PREP: variants seen among roughly 807,000 people sequenced by gnomAD.
The protein encoded by PREP is dJ355L5.1 (prolyl endopeptidase).
In PREP, 29 loss-of-function variants were observed where a neutral mutation model predicts 87.6. The observed-to-expected ratio is 0.33, with a 90% CI of 0.25 to 0.45. PREP has a LOEUF of 0.45. Among genes scored for constraint, PREP ranks in the 20% least tolerant of loss-of-function variants. The pLI, the probability that PREP is intolerant of heterozygous loss-of-function variation, is 1.00. For missense variants in PREP, 695 were observed against 886.5 expected, an observed-to-expected ratio of 0.78 and a Z score of 2.74; for synonymous variants, 337 against 328.6, an observed-to-expected ratio of 1.03 and a Z score of -0.28.
At chr6:105,352,044 G>A (rs766122421) in intron 7 of PREP, among the ~76,000 whole-genome samples, 16 of 152,168 alleles carry the variant, frequency 1.1e-4, no homozygotes, top group South Asian at 2.1e-4. Flanking sequence ...AAATATTTTC[G>A]TATCACAATG....
intron 4 of PREP, among the ~76,000 whole-genome samples, chr6:105,375,844 T>A (rs1186335162): frequency 1.3e-5 from 2 of 152,230 alleles, no homozygotes; most frequent in Non-Finnish European, 2.9e-5. Context: ...GAAATGATGA[T>A]GATATGTCAA....
At chr6:105,316,884 T>C (rs1244645562) in intron 10 of PREP, among the ~76,000 whole-genome samples, 3 of 152,088 alleles carry the variant, frequency 2.0e-5, no homozygotes, top group Non-Finnish European at 4.4e-5. Flanking sequence ...AATCACAAGA[T>C]ACTTACATGG....
chr6:105,295,583 T>C (rs1333741436), intron 10 of PREP, among the ~76,000 whole-genome samples: 3 of 151,250 alleles, frequency 2.0e-5, no homozygotes, highest in East Asian at 2.0e-4. Flanking sequence ...TCAAAGGTCA[T>C]CAATGAACGT....
chr6:105,283,019 C>T (rs7760940), intron 12 of PREP, among the ~76,000 whole-genome samples: 2,743 of 152,294 alleles, frequency 0.018, 48 homozygotes, highest in African/African-American at 0.046. Flanking sequence ...TGGGAGTGCT[C>T]GTGTCTCCCC....
Position 105,353,071 on chromosome 6 carries a change from C to A in PREP, c.724G>T (p.Asp242Tyr), listed in dbSNP as rs1772000423. 4.3e-6 allele frequency: 7 copies of A among 1,611,134 alleles called. No individual in the cohort carries two copies. Among genetic ancestry groups the A allele is most frequent in the Non-Finnish European group, 5.9e-6 (7 of 1,178,196 alleles). ...PKWMGGAELS[D>Y]DGRYVLLSIR... is the part of the protein sequence containing the mutation. ...GATAACAAGACATAGCGGCCATCAT[C>A]AGATAACTAAAAAAGAAAAAAAAAT... The change falls in exon 7 of 15, where the codon GAT becomes TAT. Residue 242 changes from aspartate (D) to tyrosine (Y), a missense_variant. Physicochemically the swap from Asp to Tyr is radical, Grantham distance 160 (BLOSUM62 -3). Transcript: ENST00000652536.
At chr6:105,288,715 G>A in intron 11 of PREP, 43 bp downstream of exon 11, 1 of 1,607,720 alleles carries the variant, frequency 6.2e-7, no homozygotes, top group Non-Finnish European at 8.5e-7. Context: ...CCACTATATG[G>A]AAAAGATAAA....
intron 6 of PREP, among the ~76,000 whole-genome samples, chr6:105,361,329 A>AT (rs561382455): frequency 7.2e-4 from 109 of 152,258 alleles, no homozygotes; most frequent in Admixed American, 2.5e-3. Context: ...CATCAAACAT[A>AT]TTTTCAAAGA....
chr6:105,395,446 G>A (rs1773265429), intron 2 of PREP, among the ~76,000 whole-genome samples: 1 of 152,138 alleles, frequency 6.6e-6, no homozygotes, highest in African/African-American at 2.4e-5. Context: ...TTCTTCATCT[G>A]TAAAATGGGG....
At chr6:105,296,308 G>A (rs2114622225) in intron 10 of PREP, among the ~76,000 whole-genome samples, 1 of 151,590 alleles carries the variant, frequency 6.6e-6, no homozygotes, top group East Asian at 1.9e-4. Context: ...TCTGATTACA[G>A]AAATTTATCT....
chr6:105,373,284 A>G, intron 5 of PREP, 85 bp downstream of exon 5: 1 of 1,416,072 alleles, frequency 7.1e-7, no homozygotes, highest in East Asian at 2.3e-5. Flanking sequence ...CACAACCTCT[A>G]TGTAGGGTTC....
In PREP at chr6:105,278,183, C is replaced by T. The variant is rs144462878; in HGVS notation, c.2094G>A (p.Ala698=). ...KVIEEVSDMF[A]FIARCLNVDW... is the part of the protein sequence containing the mutation. ...CGACGTTCAGGCACCGCGCGATGAA[C>T]GCAAACATGTCTGAGACTTCCTCTA... The change falls in exon 15 of 15, where the codon GCG becomes GCA. Residue 698 remains alanine (A), a synonymous_variant. Coordinates refer to ENST00000652536, the MANE Select transcript of PREP (RefSeq NM_002726.5). The surrounding 1 kb of genome is among the most constrained non-coding windows in gnomAD (Gnocchi z 4.2). 2.6e-5 allele frequency: 42 copies of T among 1,613,982 alleles called. No homozygotes were observed. The East Asian group carries it at 6.0e-4, about 23-fold the overall frequency.
intron 6 of PREP, among the ~76,000 whole-genome samples, chr6:105,366,241 A>G (rs1341393866): frequency 4.6e-5 from 7 of 152,220 alleles, no homozygotes; most frequent in Admixed American, 4.6e-4. Flanking sequence ...TGGGCGACAG[A>G]GCGAGACTCC....
At chr6:105,288,340 C>A (rs1217020385) in intron 11 of PREP, among the ~76,000 whole-genome samples, 2 of 152,146 alleles carry the variant, frequency 1.3e-5, no homozygotes. Flanking sequence ...TGAAAACAAG[C>A]AGCAAGAATT....
intron 2 of PREP, 104 bp downstream of exon 2, chr6:105,397,749 G>A (rs1773322382): frequency 1.1e-6 from 1 of 915,358 alleles, no homozygotes; most frequent in Non-Finnish European, 1.8e-6. Context: ...TCCCATGGCA[G>A]AAAACACAGG....
chr6:105,288,737 C>G (rs750951261), intron 11 of PREP, 21 bp downstream of exon 11: 23 of 1,612,602 alleles, frequency 1.4e-5, no homozygotes, highest in African/African-American at 5.3e-5. Flanking sequence ...TACTGGCACT[C>G]TGAGTGCGTT....
chr6:105,371,223 G>A (rs1327112208), intron 5 of PREP, among the ~76,000 whole-genome samples: 2 of 152,040 alleles, frequency 1.3e-5, no homozygotes, highest in African/African-American at 4.8e-5. Context: ...GTTAAGTATC[G>A]GCCAGGCGTG....
chr6:105,295,608 T>C, intron 10 of PREP, among the ~76,000 whole-genome samples: 1 of 151,780 alleles, frequency 6.6e-6, no homozygotes, highest in Non-Finnish European at 1.5e-5. Flanking sequence ...GTCTTTCTCA[T>C]TGCCTCTCCA....
intron 6 of PREP, among the ~76,000 whole-genome samples, chr6:105,363,905 A>G (rs775415942): frequency 6.6e-6 from 1 of 152,202 alleles, no homozygotes; most frequent in Non-Finnish European, 1.5e-5. Flanking sequence ...ACAGCAAAGT[A>G]CAGAGTTTCC....
intron 6 of PREP, among the ~76,000 whole-genome samples, chr6:105,354,284 C>T (rs1772034253): frequency 6.6e-6 from 1 of 152,128 alleles, no homozygotes; most frequent in Non-Finnish European, 1.5e-5. Context: ...TAAAATGCTT[C>T]CCAGTGTATA....
Sources: allele counts gnomAD v4.1 joint callset (sites outside exome capture counted in the v4.1 genomes callset), GRCh38; gene constraint gnomAD v4.1.1; non-coding constraint Gnocchi (gnomAD v3.1); transcripts MANE v1.5; gene names NCBI Gene and HGNC (gene_info 2026-07-23, HGNC 2026-07-21).